SGCZ: variants seen among roughly 807,000 people sequenced by gnomAD.
SGCZ encodes zeta-sarcoglycan.
In SGCZ, 40 loss-of-function variants were observed where a neutral mutation model predicts 41.3. That is an observed-to-expected ratio of 0.97 (90% CI 0.75 to 1.26). SGCZ has a LOEUF of 1.26. Among genes scored for constraint, SGCZ ranks in the 50% most tolerant of loss-of-function variants. The pLI is 0.00. For synonymous variants in SGCZ, 206 were observed against 137.5 expected, an observed-to-expected ratio of 1.50 and a Z score of -3.49; for missense variants, 552 against 369.8, an observed-to-expected ratio of 1.49 and a Z score of -4.04.
intron 1 of SGCZ, among the ~76,000 whole-genome samples, chr8:15,204,345 T>G (rs1246210989): frequency 6.6e-6 from 1 of 152,180 alleles, no homozygotes. Context: ...CAACCGTGTG[T>G]AGAAGGAAAG....
intron 1 of SGCZ, among the ~76,000 whole-genome samples, chr8:15,230,556 A>C (rs957035895): frequency 6.6e-6 from 1 of 152,262 alleles, no homozygotes; most frequent in African/African-American, 2.4e-5. Flanking sequence ...GAAAGGAACT[A>C]TATAAACTAT....
Position 14,943,376 on chromosome 8 carries a change from A to G in SGCZ, c.39+294209T>C, listed in dbSNP as rs561226996. Among the ~76,000 whole-genome samples, 3 of 152,298 alleles carry G rather than the reference A, an allele frequency of 2.0e-5. No homozygotes were observed. The South Asian group carries it at 6.2e-4, about 32-fold the overall frequency. ...TGTCAAACAGGGTCAAAAAGGCACT[A>G]AGTACCTTGTATTCTGAGTGGAGCC... On this transcript the variant is annotated intron_variant, in intron 1 of 7. Transcript: ENST00000382080.
chr8:14,569,720 G>A (rs564764412), intron 1 of SGCZ, among the ~76,000 whole-genome samples: 1 of 152,292 alleles, frequency 6.6e-6, no homozygotes, highest in African/African-American at 2.4e-5. Context: ...AATTTAGATA[G>A]GGCAGCCTGT....
chr8:14,195,735 C>T (rs1297603771), intron 4 of SGCZ, among the ~76,000 whole-genome samples: 5 of 152,170 alleles, frequency 3.3e-5, no homozygotes, highest in African/African-American at 1.2e-4. Flanking sequence ...CAAGTGATGA[C>T]ATAGGAGAGC....
chr8:14,931,309 TTTC>T (rs1651701913), intron 1 of SGCZ, among the ~76,000 whole-genome samples: 1 of 152,100 alleles, frequency 6.6e-6, no homozygotes, highest in Non-Finnish European at 1.5e-5. Context: ...TTTTATAACT[TTTC>T]TTAAGTTAAA....
chr8:14,230,185 A>G (rs141672943), intron 4 of SGCZ, among the ~76,000 whole-genome samples: 30 of 152,200 alleles, frequency 2.0e-4, no homozygotes, highest in African/African-American at 7.2e-4. Context: ...CCAAAGGTAA[A>G]AAGTAGTTTT....
chr8:14,604,422 T>A (rs796603862), intron 1 of SGCZ, among the ~76,000 whole-genome samples: 1 of 142,464 alleles, frequency 7.0e-6, no homozygotes, highest in African/African-American at 2.6e-5. Context: ...TAAGCCATGA[T>A]TTTTTTTTTA....
intron 3 of SGCZ, among the ~76,000 whole-genome samples, chr8:14,255,326 T>C (rs1356952024): frequency 6.6e-6 from 1 of 152,154 alleles, no homozygotes; most frequent in Non-Finnish European, 1.5e-5. Flanking sequence ...CACATTCACT[T>C]CATGAGCCTC....
At chr8:14,248,723 A>G (rs1232004890) in intron 3 of SGCZ, among the ~76,000 whole-genome samples, 1 of 148,040 alleles carries the variant, frequency 6.8e-6, no homozygotes, top group East Asian at 2.0e-4. Flanking sequence ...TTCATTTATG[A>G]TAATTACATT....
chr8:14,678,591 T>C (rs1808346432), intron 1 of SGCZ, among the ~76,000 whole-genome samples: 1 of 152,326 alleles, frequency 6.6e-6, no homozygotes, highest in South Asian at 2.1e-4. Flanking sequence ...CTGGTAAGAA[T>C]GCAAAATGGT....
chr8:14,445,279 C>T (rs1800398868), intron 2 of SGCZ, among the ~76,000 whole-genome samples: 1 of 152,228 alleles, frequency 6.6e-6, no homozygotes, highest in Non-Finnish European at 1.5e-5. Context: ...TCTTTGCCTT[C>T]TCTCTCCCAG....
intron 1 of SGCZ, among the ~76,000 whole-genome samples, chr8:15,062,699 T>C (rs947476219): frequency 2.6e-5 from 4 of 152,304 alleles, no homozygotes; most frequent in Middle Eastern, 3.4e-3. Flanking sequence ...AGCAGTTATT[T>C]TGAGAATAAA....
chr8:14,112,375 C>A (rs1472597940), intron 5 of SGCZ, among the ~76,000 whole-genome samples: 1 of 146,998 alleles, frequency 6.8e-6, no homozygotes, highest in Admixed American at 7.0e-5. Flanking sequence ...GTCCATGGGG[C>A]AAAGGTTAAC....
intron 1 of SGCZ, among the ~76,000 whole-genome samples, chr8:14,923,276 T>A (rs987966807): frequency 6.6e-6 from 1 of 152,324 alleles, no homozygotes; most frequent in African/African-American, 2.4e-5. Context: ...ATGGTTGCTA[T>A]TATCTATTTC....
chr8:14,633,583 T>C (rs573710005), intron 1 of SGCZ, among the ~76,000 whole-genome samples: 105 of 152,002 alleles, frequency 6.9e-4, no homozygotes, highest in African/African-American at 2.4e-3. Context: ...TTACACAACT[T>C]TCTGGGTGTA....
intron 2 of SGCZ, among the ~76,000 whole-genome samples, chr8:14,463,891 T>C (rs1446798698): frequency 6.6e-6 from 1 of 151,628 alleles, no homozygotes; most frequent in Non-Finnish European, 1.5e-5. Context: ...TGTGTTTTTC[T>C]GCCTTCATTC....
chr8:14,840,629 G>A (rs1802869903), intron 1 of SGCZ, among the ~76,000 whole-genome samples: 1 of 152,034 alleles, frequency 6.6e-6, no homozygotes, highest in Non-Finnish European at 1.5e-5. Flanking sequence ...AGTTTCTCTT[G>A]CACTCTAACT....
At chr8:14,515,972 T>C (rs1182265810) in intron 2 of SGCZ, among the ~76,000 whole-genome samples, 1 of 151,830 alleles carries the variant, frequency 6.6e-6, no homozygotes, top group Non-Finnish European at 1.5e-5. Context: ...AATAACTTAG[T>C]AAGCAATAAT....
chr8:14,382,749 A>G (rs759980215), intron 2 of SGCZ, among the ~76,000 whole-genome samples: 4 of 152,212 alleles, frequency 2.6e-5, no homozygotes, highest in Non-Finnish European at 4.4e-5. Context: ...GGTGATTTTA[A>G]TGAAAGAGTT....
Sources: allele counts gnomAD v4.1 joint callset (sites outside exome capture counted in the v4.1 genomes callset), GRCh38; gene constraint gnomAD v4.1.1; transcripts MANE v1.5; gene names NCBI Gene and HGNC (gene_info 2026-07-23, HGNC 2026-07-21).